PDCD2L: variants seen among roughly 807,000 people sequenced by gnomAD.
PDCD2L encodes the protein programmed cell death 2 like.
Under a neutral mutation model 40.4 loss-of-function variants are expected in PDCD2L, and 44 were observed. That is an observed-to-expected ratio of 1.09 (90% confidence interval 0.86 to 1.40). The LOEUF (loss-of-function observed/expected upper bound fraction) is 1.40, where lower values mean the gene tolerates loss of function less well. PDCD2L is among the 40% of genes most tolerant of loss of function. The probability of loss-of-function intolerance (pLI) is 0.00; values close to 1 mark genes in which losing one functional copy is unlikely to be tolerated. For synonymous variants in PDCD2L, 194 were observed against 174.6 expected (o/e 1.11, Z -0.88); for missense variants, 470 against 453.7 (o/e 1.04, Z -0.33).
intron 4 of PDCD2L, 76 bp downstream of exon 4, chr19:34,409,586 C>T: frequency 7.4e-7 from 1 of 1,346,324 alleles, no homozygotes; most frequent in Non-Finnish European, 1.0e-6. Flanking sequence ...TCAGTTTCAC[C>T]ACAGGACCTG....
chr19:34,413,531 G>A (rs950734149), intron 4 of PDCD2L, among the ~76,000 whole-genome samples: 3 of 151,080 alleles, frequency 2.0e-5, no homozygotes, highest in Non-Finnish European at 4.4e-5. Flanking sequence ...TAGAGATGGG[G>A]TTTCACCATG....
intron 5 of PDCD2L, among the ~76,000 whole-genome samples, chr19:34,417,552 C>T (rs1249184421): frequency 4.6e-5 from 7 of 151,246 alleles, no homozygotes; most frequent in South Asian, 2.1e-4. Context: ...AGGTTGCAGT[C>T]GACCGAGACT....
rs1031922433 is a variant in PDCD2L, at chr19:34,421,814, G to T, written c.946+147G>T. 5 of 1,074,560 alleles carry T rather than the reference G, an allele frequency of 4.7e-6. No homozygotes were observed. In the African/African-American group the frequency reaches 4.8e-5, roughly 10 times the overall value. 66.6% of individuals were successfully genotyped at this position (1,074,560 alleles called of 1,614,324 possible). A position where few individuals can be genotyped will look rare whatever the true frequency, so the allele number is the denominator to read the frequency against. On this transcript the variant is annotated intron_variant, in intron 6 of 6. Transcript: ENST00000246535. Reference sequence around the variant, plus strand: ...AATTATTTTAAGAAATTTAGGCCAGGTGTGGTGGCTCATGCCTGTAATCCC... The same window carrying T: ...AATTATTTTAAGAAATTTAGGCCAGTTGTGGTGGCTCATGCCTGTAATCCC...
At chr19:34,407,419 G>A (rs934526574) in intron 3 of PDCD2L, among the ~76,000 whole-genome samples, 1 of 152,128 alleles carries the variant, frequency 6.6e-6, no homozygotes, top group Non-Finnish European at 1.5e-5. Flanking sequence ...GATTACAGGC[G>A]TGAGCCACCA....
At chr19:34,425,518 A>G (rs932123788) in intron 6 of PDCD2L, among the ~76,000 whole-genome samples, 1 of 150,500 alleles carries the variant, frequency 6.6e-6, no homozygotes, top group Non-Finnish European at 1.5e-5. Context: ...GCTATATGAG[A>G]TATATATATA....
Position 34,404,445 on chromosome 19 carries a change from G to A in PDCD2L, c.15G>A (p.Leu5=), listed in dbSNP as rs1027173522. ...GCCCGGCGGCCATGGCGGCCGTTCT[G>A]AAGCCGGTGCTGCTGGGCCTTCGAG... MAAV[L]KPVLLGLRDA... Residue 5 remains leucine (L), a synonymous_variant, in exon 1 of 7, where the codon CTG becomes CTA. Coordinates refer to ENST00000246535, the MANE Select transcript of PDCD2L (RefSeq NM_032346.2). 1.3e-6 allele frequency: 2 copies of A among 1,544,232 alleles called. No homozygotes were observed. The highest frequency in any genetic ancestry group is 1.7e-6 in the Non-Finnish European group (2 of 1,145,480).
At position 34,409,496 on chromosome 19, in the gene PDCD2L, G is replaced by T. The variant is rs911682530; in HGVS notation, c.672G>T (p.Gln224His). Residue 224 changes from glutamine to histidine, a missense_variant, in exon 4 of 7, where the codon CAG (glutamine) becomes CAT (histidine). Gln to His is a conservative substitution (Grantham distance 24). Coordinates refer to ENST00000246535, the MANE Select transcript of PDCD2L (RefSeq NM_032346.2). ...AGAGAGAAGGCATTGCCATGGATCA[G>T]TTGCTTTCCCAAAGGTGAGGATGTG... is the stretch of plus-strand genomic sequence containing the variant. ...YQQREGIAMD[Q>H]LLSQSLPNDG... The T allele has an allele frequency of 1.3e-5, 21 of 1,613,704 alleles. No individual in the cohort carries two copies. Among genetic ancestry groups the T allele is most frequent in the Non-Finnish European group, 1.6e-5 (19 of 1,179,818 alleles).
At chr19:34,407,290 C>T (rs1247001560) in intron 3 of PDCD2L, among the ~76,000 whole-genome samples, 1 of 152,162 alleles carries the variant, frequency 6.6e-6, no homozygotes, top group East Asian at 1.9e-4. Flanking sequence ...TACAGGCACA[C>T]ACCACCATGC....
chr19:34,411,885 C>T (rs933406389), intron 4 of PDCD2L, among the ~76,000 whole-genome samples: 1 of 150,154 alleles, frequency 6.7e-6, no homozygotes, highest in Non-Finnish European at 1.5e-5. Context: ...AAACTCCTAA[C>T]CTCAAGTGAC....
At chr19:34,404,872 G>C in intron 2 of PDCD2L, 57 bp downstream of exon 2, 5 of 1,610,100 alleles carry the variant, frequency 3.1e-6, no homozygotes, top group Non-Finnish European at 4.2e-6. Flanking sequence ...GGGCTGGGGC[G>C]GGCCGGCGGG....
intron 3 of PDCD2L, among the ~76,000 whole-genome samples, chr19:34,407,105 G>C (rs2145457436): frequency 6.6e-6 from 1 of 151,984 alleles, no homozygotes; most frequent in Non-Finnish European, 1.5e-5. Context: ...CCAAAGTGCT[G>C]GGATTACAGG....
Position 34,409,212 on chromosome 19 carries a change from T to TG in PDCD2L, c.392dup (p.Ser132LysfsTer2), listed in dbSNP as rs2075090667. 4.3e-6 allele frequency: 7 copies of TG among 1,614,016 alleles called. No individual in the cohort carries two copies. Among genetic ancestry groups the TG allele is most frequent in the Admixed American group, 1.7e-5 (1 of 59,998 alleles). On this transcript the variant is annotated frameshift_variant, in exon 4 of 7. Transcript: ENST00000246535. LOFTEE classifies it high-confidence loss of function. ...GGACTGGTGTGAAGGTGCTGATGAC[T>TG]GGGGAAGTGATACTGAGGAGGGGCC... is the stretch of plus-strand genomic sequence containing the variant.
At chr19:34,414,101 G>A (rs2075116598) in intron 5 of PDCD2L, among the ~76,000 whole-genome samples, 1 of 152,144 alleles carries the variant, frequency 6.6e-6, no homozygotes, top group Non-Finnish European at 1.5e-5. Context: ...GCTGGTATTT[G>A]TAGGTGCTGC....
At chr19:34,407,522 A>C (rs1315398704) in intron 3 of PDCD2L, among the ~76,000 whole-genome samples, 2 of 151,848 alleles carry the variant, frequency 1.3e-5, no homozygotes, top group Non-Finnish European at 2.9e-5. Context: ...TACATGCAGC[A>C]TTTGTCTTTG....
At chr19:34,425,853 G>C in intron 6 of PDCD2L, 137 bp from the exon 7 acceptor site, 1 of 781,072 alleles carries the variant, frequency 1.3e-6, no homozygotes, top group South Asian at 2.2e-5. Context: ...CTGTGATTCT[G>C]TTATAGCTGA....
At chr19:34,421,809 G>A (rs1599875911) in intron 6 of PDCD2L, 142 bp downstream of exon 6, 1 of 1,135,920 alleles carries the variant, frequency 8.8e-7, no homozygotes, top group African/African-American at 1.6e-5. Context: ...AGAAATTTAG[G>A]CCAGGTGTGG....
At chr19:34,422,813 T>G (rs1311642681) in intron 6 of PDCD2L, among the ~76,000 whole-genome samples, 6 of 152,040 alleles carry the variant, frequency 3.9e-5, no homozygotes, top group Admixed American at 1.3e-4. Context: ...CCTCCCGGGT[T>G]CATGCCATTC....
At chr19:34,416,522 T>G (rs2075127108) in intron 5 of PDCD2L, among the ~76,000 whole-genome samples, 3 of 152,186 alleles carry the variant, frequency 2.0e-5, no homozygotes. Context: ...TAATAAAGAT[T>G]GCATCCAGTC....
chr19:34,415,939 G>T (rs2075124685), intron 5 of PDCD2L, among the ~76,000 whole-genome samples: 1 of 152,032 alleles, frequency 6.6e-6, no homozygotes, highest in Non-Finnish European at 1.5e-5. Flanking sequence ...TCTTTTTTCG[G>T]AAACGGAATC....
Sources: allele counts gnomAD v4.1 joint callset (sites outside exome capture counted in the v4.1 genomes callset), GRCh38; gene constraint gnomAD v4.1.1; transcripts MANE v1.5; gene names NCBI Gene and HGNC (gene_info 2026-07-23, HGNC 2026-07-21).